Variants in MATN2 observed in about 807,000 individuals in gnomAD.
MATN2 encodes matrilin 2, also known as matrilin-2.
A neutral mutation model predicts 103.2 loss-of-function variants in MATN2; 69 were observed. That is an observed-to-expected ratio of 0.67 (90% CI 0.55 to 0.82). The LOEUF (loss-of-function observed/expected upper bound fraction) is 0.82, where lower values mean the gene tolerates loss of function less well. Among genes scored for constraint, MATN2 ranks in the 40% least tolerant of loss-of-function variants. The pLI is 0.00. For missense variants in MATN2, 1,023 were observed against 1,211.5 expected (o/e 0.84, Z 2.31); for synonymous variants, 429 against 450.2 (o/e 0.95, Z 0.60).
chr8:98,027,362 T>C, intron 13 of MATN2, 54 bp from the exon 14 acceptor site: 1 of 1,455,982 alleles, frequency 6.9e-7, no homozygotes, highest in Non-Finnish European at 9.3e-7. Flanking sequence ...ATTCTACTCT[T>C]GTGCATAAAT....
intron 11 of MATN2, among the ~76,000 whole-genome samples, chr8:98,017,781 G>A (rs1442997055): frequency 1.3e-5 from 2 of 152,204 alleles, no homozygotes; most frequent in Non-Finnish European, 2.9e-5. Context: ...GCTGGTGAAC[G>A]ATGATGGTGA....
intron 14 of MATN2, among the ~76,000 whole-genome samples, chr8:98,028,375 C>A (rs1813888751): frequency 6.6e-6 from 1 of 152,150 alleles, no homozygotes; most frequent in South Asian, 2.1e-4. Flanking sequence ...ACTCTAAGCT[C>A]TTGTTGCTCA....
intron 6 of MATN2, among the ~76,000 whole-genome samples, chr8:97,987,249 G>A (rs1490175739): frequency 6.6e-6 from 1 of 152,064 alleles, no homozygotes; most frequent in Non-Finnish European, 1.5e-5. Context: ...CTTAACACAT[G>A]GACACGTGAT....
chr8:97,871,048 A>C (rs1432566945), intron 1 of MATN2, among the ~76,000 whole-genome samples: 1 of 152,220 alleles, frequency 6.6e-6, no homozygotes, highest in Non-Finnish European at 1.5e-5. Flanking sequence ...ACCAAGGCCT[A>C]AGCTTGCTTG....
chr8:97,988,124 G>A (rs1176260210), intron 6 of MATN2, among the ~76,000 whole-genome samples: 2 of 126,600 alleles, frequency 1.6e-5, no homozygotes, highest in Non-Finnish European at 3.1e-5. Context: ...TTAAAGACCA[G>A]CCTGGGCAAC....
At chr8:97,905,886 C>T (rs1306783094) in intron 2 of MATN2, among the ~76,000 whole-genome samples, 4 of 152,046 alleles carry the variant, frequency 2.6e-5, no homozygotes, top group African/African-American at 9.7e-5. Flanking sequence ...GTCTTGAACT[C>T]CTGGGCTCAA....
intron 4 of MATN2, among the ~76,000 whole-genome samples, chr8:97,949,907 A>G (rs925712994): frequency 1.8e-4 from 27 of 152,190 alleles, no homozygotes; most frequent in Non-Finnish European, 3.2e-4. Flanking sequence ...ACCCAAAAAA[A>G]CCAGAACATA....
chr8:97,907,569 G>A (rs878966879), intron 2 of MATN2, among the ~76,000 whole-genome samples: 2 of 150,762 alleles, frequency 1.3e-5, no homozygotes, highest in Admixed American at 6.6e-5. Flanking sequence ...TGATCCACCC[G>A]CCTCGGCCTC....
intron 1 of MATN2, among the ~76,000 whole-genome samples, chr8:97,876,498 A>AT (rs1473315766): frequency 6.6e-6 from 1 of 151,910 alleles, no homozygotes; most frequent in Non-Finnish European, 1.5e-5. Context: ...CAATTCATGT[A>AT]TTTTTTGTAG....
intron 5 of MATN2, among the ~76,000 whole-genome samples, chr8:97,972,860 A>G (rs1228872212): frequency 6.6e-6 from 1 of 152,246 alleles, no homozygotes; most frequent in Admixed American, 6.5e-5. Flanking sequence ...GAATGTAGAC[A>G]TTTTAGGCAT....
chr8:97,948,874 CA>C (rs199654136), intron 4 of MATN2, among the ~76,000 whole-genome samples: 13,874 of 152,116 alleles, frequency 0.091, 893 homozygotes, highest in Admixed American at 0.2. Context: ...TATATTTAAT[CA>C]CAATGAAAAC....
At chr8:97,925,921 T>G (rs6468603) in intron 2 of MATN2, among the ~76,000 whole-genome samples, 113,237 of 152,118 alleles carry the variant, frequency 0.74, 42,492 homozygotes, top group East Asian at 0.92. Flanking sequence ...ATGATTACAC[T>G]GCCATGATTG....
At chr8:97,891,837 C>T (rs1173776637) in intron 2 of MATN2, among the ~76,000 whole-genome samples, 1 of 152,120 alleles carries the variant, frequency 6.6e-6, no homozygotes, top group African/African-American at 2.4e-5. Flanking sequence ...TGCAGTGGCT[C>T]ATGCCTGTAA....
In MATN2 at chr8:97,918,250, C is replaced by T. The variant is rs570764178; in HGVS notation, c.143-12703C>T. On this transcript the variant is annotated intron_variant, in intron 2 of 18. Transcript: ENST00000254898. Reference sequence around the variant, plus strand: ...CTCTTACCCTGCCTAGCTCTACAGTCGCCTCTATACTTGTCTCAATGACCC... The same window carrying T: ...CTCTTACCCTGCCTAGCTCTACAGTTGCCTCTATACTTGTCTCAATGACCC... 4.6e-5 allele frequency among the ~76,000 whole-genome samples: 7 copies of T among 152,306 alleles called. No homozygotes were observed. In the South Asian group the frequency reaches 8.3e-4, roughly 18 times the overall value.
intron 2 of MATN2, among the ~76,000 whole-genome samples, chr8:97,920,974 C>T (rs747052783): frequency 7.9e-5 from 12 of 152,162 alleles, no homozygotes; most frequent in Non-Finnish European, 1.2e-4. Flanking sequence ...GACTTGCCAT[C>T]CTGGCTCCAT....
intron 4 of MATN2, among the ~76,000 whole-genome samples, chr8:97,945,591 T>C (rs981435892): frequency 4.6e-5 from 7 of 151,878 alleles, no homozygotes; most frequent in Admixed American, 2.0e-4. Context: ...ATTCAACAGA[T>C]TGTTACTTCC....
At chr8:97,969,890 G>T (rs1811600948) in intron 5 of MATN2, among the ~76,000 whole-genome samples, 1 of 152,218 alleles carries the variant, frequency 6.6e-6, no homozygotes, top group African/African-American at 2.4e-5. Flanking sequence ...ACAAGAAAGT[G>T]TGGGCAGCAG....
At chr8:97,888,366 G>A in intron 2 of MATN2, 124 bp downstream of exon 2, 1 of 1,176,714 alleles carries the variant, frequency 8.5e-7, no homozygotes, top group Non-Finnish European at 1.1e-6. Context: ...GATGTGCTGG[G>A]CCTGGGGTCC....
intron 2 of MATN2, among the ~76,000 whole-genome samples, chr8:97,899,748 C>T (rs1343738837): frequency 2.0e-5 from 3 of 152,140 alleles, no homozygotes; most frequent in Admixed American, 6.6e-5. Context: ...ATATGAATCG[C>T]GGGCAGGGAG....
Sources: gnomAD v4.1 joint callset for allele counts (sites outside exome capture counted in the v4.1 genomes callset) on GRCh38, gnomAD v4.1.1 for gene constraint, MANE v1.5 for transcripts, NCBI Gene and HGNC (gene_info 2026-07-23, HGNC 2026-07-21) for gene names.